Variants in RAD21 observed in about 807,000 individuals in gnomAD.
The protein encoded by RAD21 is RAD21 cohesin complex component.
RAD21 carries 18 observed loss-of-function variants against 71.5 expected under a neutral mutation model. The ratio of observed to expected loss-of-function variants is 0.25; its 90% CI spans 0.17 to 0.37. The LOEUF (loss-of-function observed/expected upper bound fraction) is 0.37. Ranked by LOEUF, RAD21 falls within the 10% of genes least tolerant of loss-of-function variation. RAD21 has a pLI of 1.00. For synonymous variants in RAD21, 248 were observed against 254.0 expected (o/e 0.98, Z 0.22); for missense variants, 493 against 769.1 (o/e 0.64, Z 4.25).
intron 1 of RAD21, among the ~76,000 whole-genome samples, chr8:116,873,438 A>G (rs1190390457): frequency 1.3e-5 from 2 of 152,044 alleles, no homozygotes; most frequent in African/African-American, 4.8e-5. Context: ...GATTTGAGAA[A>G]CCTTCTCCTG....
rs966808238 is a variant in RAD21 at position 116,874,699 on chromosome 8, G to C, written c.-121C>G. On this transcript the variant is annotated 5_prime_UTR_variant, in exon 1 of 14. Coordinates refer to ENST00000297338, the MANE Select transcript of RAD21 (RefSeq NM_006265.3). ...GGGGTGGGGAAAGGGGGGAGCCCTT[G>C]CGAGGTGTAGCTTCCGAGCAGCTCC... The C allele has an allele frequency of 2.3e-6, 1 of 432,348 alleles. No individual in the cohort carries two copies. 26.8% of individuals were successfully genotyped at this position (432,348 alleles called of 1,614,324 possible).
intron 8 of RAD21, 65 bp downstream of exon 8, chr8:116,856,100 CA>C: frequency 6.5e-7 from 1 of 1,532,518 alleles, no homozygotes; most frequent in Non-Finnish European, 8.8e-7. Flanking sequence ...GATCAGTAGA[CA>C]GGCAAAAACC....
At chr8:116,860,110 C>A (rs769412674) in intron 4 of RAD21, among the ~76,000 whole-genome samples, 1 of 152,100 alleles carries the variant, frequency 6.6e-6, no homozygotes, top group Non-Finnish European at 1.5e-5. Flanking sequence ...AGCAAGAGAA[C>A]TAGAATTAGA....
intron 9 of RAD21, among the ~76,000 whole-genome samples, chr8:116,853,805 C>A (rs1421826605): frequency 1.3e-5 from 2 of 151,938 alleles, no homozygotes; most frequent in African/African-American, 2.4e-5. Context: ...GGAATGTGAG[C>A]AGAAAAGAGC....
chr8:116,848,261 C>G (rs2130451357), intron 13 of RAD21, among the ~76,000 whole-genome samples: 1 of 152,222 alleles, frequency 6.6e-6, no homozygotes, highest in Non-Finnish European at 1.5e-5. Flanking sequence ...TCATGTTAAT[C>G]AAGAGGGTAA....
intron 4 of RAD21, among the ~76,000 whole-genome samples, chr8:116,861,004 C>A (rs968098035): frequency 3.3e-5 from 5 of 151,902 alleles, no homozygotes; most frequent in African/African-American, 1.2e-4. Context: ...GTTCATAATC[C>A]TAATTTCTCT....
Position 116,852,804 on chromosome 8 carries a change from AAT to A in RAD21, c.1162-98_1162-97del, listed in dbSNP as rs1235646295. The A allele has an allele frequency of 5.7e-6, 5 of 876,694 alleles. No homozygotes were observed. The African/African-American group carries it at 8.8e-5, about 15-fold the overall frequency. The allele number at this position is 876,694 out of a possible 1,614,324, so 54.3% of individuals were successfully genotyped here. On this transcript the variant is annotated intron_variant, in intron 9 of 13. Coordinates refer to ENST00000297338, the MANE Select transcript of RAD21 (RefSeq NM_006265.3). The stretch of plus-strand genomic sequence containing the variant: ...TATCTTCCAAAGGTATGTTCTAATA[AAT>A]ATAAGTGTATAATTTAGCATGGCTT...
intron 1 of RAD21, among the ~76,000 whole-genome samples, chr8:116,869,230 G>C (rs1812758462): frequency 6.6e-6 from 1 of 152,040 alleles, no homozygotes; most frequent in Non-Finnish European, 1.5e-5. Flanking sequence ...CTCAGATATA[G>C]AATATGTAAA....
intron 8 of RAD21, among the ~76,000 whole-genome samples, chr8:116,855,579 G>C (rs1812444301): frequency 6.6e-6 from 1 of 152,036 alleles, no homozygotes; most frequent in Non-Finnish European, 1.5e-5. Flanking sequence ...ATTTCTTCTT[G>C]AAGAGACAGG....
intron 5 of RAD21, 24 bp from the exon 6 acceptor site, chr8:116,857,497 T>C (rs1346591184): frequency 3.2e-6 from 5 of 1,583,000 alleles, no homozygotes; most frequent in East Asian, 4.5e-5. Flanking sequence ...AATTTGTCAT[T>C]AGTTTAGAAA....
intron 5 of RAD21, 65 bp from the exon 6 acceptor site, chr8:116,857,538 C>T (rs1812495379): frequency 7.8e-7 from 1 of 1,285,150 alleles, no homozygotes; most frequent in Non-Finnish European, 1.1e-6. Flanking sequence ...TAAAAGAAAA[C>T]TGCTAATGAT....
chr8:116,852,121 A>C, intron 10 of RAD21, 25 bp from the exon 11 acceptor site: 1 of 1,582,462 alleles, frequency 6.3e-7, no homozygotes, highest in Non-Finnish European at 8.7e-7. Flanking sequence ...ATGAAGAGAA[A>C]ACATAGGTCA....
intron 9 of RAD21, 34 bp downstream of exon 9, chr8:116,854,211 G>A (rs757084262): frequency 2.0e-6 from 3 of 1,473,074 alleles, no homozygotes; most frequent in Middle Eastern, 2.0e-4. Flanking sequence ...TGCTCAAAAT[G>A]TATATGAAGT....
At chr8:116,874,564 G>C (rs994516681) in intron 1 of RAD21, 47 bp downstream of exon 1, 8 of 311,674 alleles carry the variant, frequency 2.6e-5, no homozygotes, top group African/African-American at 9.0e-5. Flanking sequence ...GGGAAAGGGT[G>C]GGGGGAGGGA....
In RAD21 at chr8:116,848,390, T is replaced by C. The variant is rs116956656; in HGVS notation, c.1704+556A>G. 1.7e-3 allele frequency among the ~76,000 whole-genome samples: 253 copies of C among 152,282 alleles called. 1 individual carries two copies. The highest frequency in any genetic ancestry group is 2.9e-3 in the Non-Finnish European group (197 of 68,038). ...ATTTCTTTAGACAGCTAATGTAATATAGTAGTAAAATCTAGCACTTATAGT... is the reference window on the plus strand; with the variant it reads ...ATTTCTTTAGACAGCTAATGTAATACAGTAGTAAAATCTAGCACTTATAGT... On this transcript the variant is annotated intron_variant, in intron 13 of 13. Coordinates refer to ENST00000297338, the MANE Select transcript of RAD21 (RefSeq NM_006265.3).
chr8:116,865,709 T>C (rs1563693608), intron 2 of RAD21, among the ~76,000 whole-genome samples: 2 of 152,168 alleles, frequency 1.3e-5, no homozygotes, highest in Non-Finnish European at 2.9e-5. Context: ...TAATAATCTT[T>C]TGGTATGCCT....
chr8:116,862,673 G>C (rs1812614350), intron 3 of RAD21, among the ~76,000 whole-genome samples: 1 of 151,976 alleles, frequency 6.6e-6, no homozygotes, highest in South Asian at 2.1e-4. Context: ...TGGTGGTGTG[G>C]TTGGCAGACT....
rs918975334 is a variant in RAD21 at position 116,860,168 on chromosome 8, CT to C, written c.374+1672del. Among the ~76,000 whole-genome samples the C allele has an allele frequency of 4.6e-5, 7 of 152,234 alleles. No individual in the cohort carries two copies. The East Asian group carries it at 5.8e-4, about 13-fold the overall frequency. On this transcript the variant is annotated intron_variant, in intron 4 of 13. Coordinates refer to ENST00000297338, the MANE Select transcript of RAD21 (RefSeq NM_006265.3). ...AAATTGATGCAATCTTGGAATAAAACTTTAACAAATGAGGAGTTACTTCTTA... is the reference window on the plus strand; with the variant it reads ...AAATTGATGCAATCTTGGAATAAAACTTAACAAATGAGGAGTTACTTCTTA...
intron 8 of RAD21, among the ~76,000 whole-genome samples, chr8:116,855,728 A>G (rs1443997573): frequency 2.6e-5 from 4 of 151,846 alleles, no homozygotes; most frequent in African/African-American, 9.7e-5. Context: ...TAAAAAGAAT[A>G]CTTTTAGTTT....
Sources: allele counts gnomAD v4.1 joint callset (sites outside exome capture counted in the v4.1 genomes callset), GRCh38; gene constraint gnomAD v4.1.1; transcripts MANE v1.5; gene names NCBI Gene and HGNC (gene_info 2026-07-23, HGNC 2026-07-21).